The following UACA variants were observed in gnomAD, a reference collection of about 807,000 sequenced individuals.
UACA encodes the protein uveal autoantigen with coiled-coil domains and ankyrin repeats, also known as nuclear membrane binding protein.
A neutral mutation model predicts 160.5 loss-of-function variants in UACA; 112 were observed. The observed-to-expected ratio is 0.70, with a 90% CI of 0.60 to 0.82. UACA has a LOEUF of 0.82. Among genes scored for constraint, UACA ranks in the 40% least tolerant of loss-of-function variants. UACA has a pLI of 0.00. For synonymous variants in UACA, 557 were observed against 568.4 expected (o/e 0.98, Z 0.29); for missense variants, 1,574 against 1,614.6 (o/e 0.97, Z 0.43).
In UACA at chr15:70,666,715, T is replaced by C; in HGVS notation, c.3960+9A>G. 6.3e-7 allele frequency: 1 copy of C among 1,590,482 alleles called. No homozygotes were observed. The highest frequency in any genetic ancestry group is 1.2e-5 in the South Asian group (1 of 86,048). ...CAACACATAGCCGTGCAGACTACTT[T>C]GTACCTACCTTATTATCTTTTGCTT... On this transcript the variant is annotated intron_variant, in intron 16 of 18. Transcript: ENST00000322954.
At chr15:70,771,510 A>G in the UACA span, among the ~76,000 whole-genome samples, 1 of 152,184 alleles carries the variant, frequency 6.6e-6, no homozygotes, top group African/African-American at 2.4e-5. Flanking sequence ...GGGTGTCCAG[A>G]GTGTTCATTC....
chr15:70,673,630 AT>A (rs1440151552), intron 13 of UACA, among the ~76,000 whole-genome samples: 1 of 152,204 alleles, frequency 6.6e-6, no homozygotes, highest in Non-Finnish European at 1.5e-5. Flanking sequence ...TATTATCTCT[AT>A]TACTCAAATG....
intron 1 of UACA, among the ~76,000 whole-genome samples, chr15:70,741,027 C>CA (rs1286306987): frequency 6.7e-6 from 1 of 148,654 alleles, no homozygotes; most frequent in African/African-American, 2.5e-5. Flanking sequence ...CAAAAGTGCT[C>CA]AAAAAAATAA....
chr15:70,671,982 C>T lies in UACA; in HGVS notation c.1151G>A (p.Gly384Glu), dbSNP rs774221009. The T allele has an allele frequency of 1.9e-6, 3 of 1,595,288 alleles. No individual in the cohort carries two copies. The highest frequency in any genetic ancestry group is 2.3e-5 in the South Asian group (2 of 86,992). Residue 384 changes from glycine to glutamate, a missense_variant, in exon 14 of 19, where the codon GGA becomes GAA. Transcript: ENST00000322954. ...ATACTTACGGTTACTGAAATGACTT[C>T]CTGATCCTAAATGATCACTCTGAAA... The part of the protein sequence containing the change: ...KYFESDHLGS[G>E]SHFSNRKEDM...
chr15:70,710,007 C>A (rs182601402), intron 1 of UACA, among the ~76,000 whole-genome samples: 2 of 152,128 alleles, frequency 1.3e-5, no homozygotes, highest in Admixed American at 6.5e-5. Flanking sequence ...GGTGTGGTGG[C>A]TCTCGCCTAT....
At chr15:70,773,599 G>A in the UACA span, among the ~76,000 whole-genome samples, 27,505 of 152,002 alleles carry the variant, frequency 0.18, 3,795 homozygotes, top group African/African-American at 0.39. Context: ...CGCAGTAACA[G>A]GATAAAGGCA....
upstream of UACA, among the ~76,000 whole-genome samples, chr15:70,765,042 G>A (rs2030970217): frequency 6.6e-6 from 1 of 152,142 alleles, no homozygotes; most frequent in Non-Finnish European, 1.5e-5. Context: ...AGCAGCTAAC[G>A]AATAAAATCT....
At chr15:70,711,189 A>T (rs1898671321) in intron 1 of UACA, among the ~76,000 whole-genome samples, 1 of 152,186 alleles carries the variant, frequency 6.6e-6, no homozygotes, top group African/African-American at 2.4e-5. Context: ...ATTCAGAAAA[A>T]TTTATATTTA....
chr15:70,667,739 T>C lies in UACA; in HGVS notation c.2945A>G (p.Lys982Arg), dbSNP rs781233334. Residue 982 changes from lysine (K) to arginine (R), a missense_variant, in exon 16 of 19, where the codon AAG becomes AGG. Physicochemically the swap from Lys to Arg is conservative, Grantham distance 26. Transcript: ENST00000322954. ...GCTGACAATTGGGGCGTATTTTACC[T>C]TAATGCATTCTTGTATTGTGTCGAG... ...KELDTIQECIKVKYAPIVSFE... is the reference protein window; with the variant it reads ...KELDTIQECIRVKYAPIVSFE... 16 of 1,613,978 alleles carry C rather than the reference T, an allele frequency of 9.9e-6. No homozygotes were observed. Among genetic ancestry groups the C allele is most frequent in the Non-Finnish European group, 1.4e-5 (16 of 1,179,992 alleles).
intron 3 of UACA, among the ~76,000 whole-genome samples, chr15:70,691,610 G>C (rs1367983667): frequency 6.6e-6 from 1 of 152,158 alleles, no homozygotes; most frequent in African/African-American, 2.4e-5. Flanking sequence ...GAACTTTGTT[G>C]TATTCACTAC....
chr15:70,658,019 G>A (rs867676618), intron 18 of UACA, among the ~76,000 whole-genome samples: 4 of 151,798 alleles, frequency 2.6e-5, no homozygotes, highest in South Asian at 4.2e-4. Context: ...GAGCCCAGGA[G>A]TTGAGGCTGT....
In UACA at chr15:70,669,058, C is replaced by T; in HGVS notation, c.1626G>A (p.Leu542=). Residue 542 remains leucine, a synonymous_variant, in exon 16 of 19, where the codon CTG becomes CTA. Transcript: ENST00000322954. ...CTTTCAAGTCTTTCAACTGATCCTT[C>T]AGTTCCTCGGTTAGTCTGTGATTCC... The part of the protein sequence containing the change: ...ASGNHRLTEE[L]KDQLKDLKVK... 6.2e-7 allele frequency: 1 copy of T among 1,614,082 alleles called. No individual in the cohort carries two copies.
At chr15:70,684,491 GA>G (rs1353113465) in intron 7 of UACA, 45 bp from the exon 8 acceptor site, 3 of 1,554,866 alleles carry the variant, frequency 1.9e-6, no homozygotes, top group South Asian at 2.5e-5. Flanking sequence ...AAACTCCAAG[GA>G]AATATTGCAG....
At position 70,655,941 on chromosome 15, in the gene UACA, C is replaced by A. The variant is rs1451975851; in HGVS notation, c.*1115G>T. On this transcript the variant is annotated 3_prime_UTR_variant, in exon 19 of 19. Coordinates refer to ENST00000322954, the MANE Select transcript of UACA (RefSeq NM_018003.4). ...TAAATAAAATGTTAATAAAAAATAA[C>A]AAGACATATAAACTTTCCCTAATGA... The A allele has an allele frequency of 6.6e-6, 1 of 152,086 alleles. No individual in the cohort carries two copies. Among genetic ancestry groups the A allele is most frequent in the African/African-American group, 2.4e-5 (1 of 41,430 alleles). The allele number at this position is 152,086 out of a possible 1,614,324, so 9.4% of individuals were successfully genotyped here.
In UACA at chr15:70,762,130, A is replaced by G. The variant is rs2030797500; in HGVS notation, c.78+1200T>C. Reference sequence around the variant, plus strand: ...CTTCATGCTTTATCAAAGAACATCAATTACGTCATCTGAATCTACTCTCTT... The same window carrying G: ...CTTCATGCTTTATCAAAGAACATCAGTTACGTCATCTGAATCTACTCTCTT... On this transcript the variant is annotated intron_variant, in intron 1 of 18. Coordinates refer to ENST00000322954, the MANE Select transcript of UACA (RefSeq NM_018003.4). Among the ~76,000 whole-genome samples, 4 of 152,178 alleles carry G rather than the reference A, an allele frequency of 2.6e-5. No homozygotes were observed. In the South Asian group the frequency reaches 8.3e-4, roughly 32 times the overall value.
rs1322115779 is a variant in UACA at position 70,720,661 on chromosome 15, T to TA, written c.79-21002dup. 3.3e-5 allele frequency among the ~76,000 whole-genome samples: 5 copies of TA among 152,324 alleles called. No individual in the cohort carries two copies. In the East Asian group the frequency reaches 5.8e-4, roughly 18 times the overall value. The stretch of plus-strand genomic sequence containing the variant: ...GACTAATGTTATTGAAGGAAATTCT[T>TA]AGAGTATTTTCCTTGAGGAAGAGAT... On this transcript the variant is annotated intron_variant, in intron 1 of 18. Coordinates refer to ENST00000322954, the MANE Select transcript of UACA (RefSeq NM_018003.4).
At chr15:70,662,772 T>C (rs2140888930) in intron 17 of UACA, among the ~76,000 whole-genome samples, 1 of 152,360 alleles carries the variant, frequency 6.6e-6, no homozygotes, top group South Asian at 2.1e-4. Context: ...AACCATTCCC[T>C]ATTTAATAAA....
chr15:70,657,273 T>A (rs1463611801), intron 18 of UACA, 146 bp from the exon 19 acceptor site: 1 of 693,744 alleles, frequency 1.4e-6, no homozygotes, highest in Admixed American at 2.3e-5. Context: ...AAGGAATTAC[T>A]GGAAAAGGGA....
At chr15:70,707,878 T>G (rs1898566224) in intron 1 of UACA, among the ~76,000 whole-genome samples, 1 of 152,158 alleles carries the variant, frequency 6.6e-6, no homozygotes, top group Non-Finnish European at 1.5e-5. Flanking sequence ...CCTCGAAAAA[T>G]TATAAATAGA....
Sources: allele counts gnomAD v4.1 joint callset (sites outside exome capture counted in the v4.1 genomes callset), GRCh38; gene constraint gnomAD v4.1.1; transcripts MANE v1.5; gene names NCBI Gene and HGNC (gene_info 2026-07-23, HGNC 2026-07-21).